BCKDHB: variants seen among roughly 807,000 people sequenced by gnomAD.
BCKDHB encodes branched chain keto acid dehydrogenase E1 subunit beta.
BCKDHB carries 41 observed loss-of-function variants against 48.5 expected under a neutral mutation model. The ratio of observed to expected loss-of-function variants is 0.85; its 90% CI spans 0.66 to 1.10. The LOEUF is 1.10. Ranked by LOEUF, BCKDHB falls within the 50% of genes least tolerant of loss-of-function variation. BCKDHB has a pLI of 0.00. For missense variants in BCKDHB, 496 were observed against 494.2 expected (o/e 1.00, Z -0.03); for synonymous variants, 201 against 174.8 (o/e 1.15, Z -1.18).
chr6:80,184,244 T>G (rs1219449984), intron 6 of BCKDHB, among the ~76,000 whole-genome samples: 1 of 152,198 alleles, frequency 6.6e-6, no homozygotes, highest in Non-Finnish European at 1.5e-5. Flanking sequence ...AAAGTCTGTT[T>G]TGTCTGAGAA....
intron 8 of BCKDHB, among the ~76,000 whole-genome samples, chr6:80,265,351 A>G (rs2127955147): frequency 6.6e-6 from 1 of 152,254 alleles, no homozygotes; most frequent in South Asian, 2.1e-4. Context: ...ATATATACAT[A>G]CAGTGGGATA....
intron 6 of BCKDHB, among the ~76,000 whole-genome samples, chr6:80,191,402 C>T (rs1299087991): frequency 6.6e-6 from 1 of 152,082 alleles, no homozygotes. Context: ...TGTTGCTCCT[C>T]ATGGGTAATA....
At chr6:80,216,582 G>T (rs1256733560) in intron 8 of BCKDHB, among the ~76,000 whole-genome samples, 3 of 152,070 alleles carry the variant, frequency 2.0e-5, no homozygotes, top group Non-Finnish European at 4.4e-5. Context: ...TTTGACTCAA[G>T]TTTTCATTTT....
chr6:80,299,076 T>C (rs200179332), intron 9 of BCKDHB, among the ~76,000 whole-genome samples: 2 of 1,244 alleles, frequency 1.6e-3, no homozygotes, highest in Non-Finnish European at 2.5e-3. Flanking sequence ...TGAAAGGGTC[T>C]TTCTAACTCC....
intron 1 of BCKDHB, among the ~76,000 whole-genome samples, chr6:80,109,119 C>T (rs960441199): frequency 4.6e-5 from 7 of 152,228 alleles, no homozygotes; most frequent in Non-Finnish European, 8.8e-5. Context: ...TTCTTGACCC[C>T]GGAATCAGAT....
At chr6:80,111,843 T>C (rs191693113) in intron 1 of BCKDHB, among the ~76,000 whole-genome samples, 2 of 152,280 alleles carry the variant, frequency 1.3e-5, no homozygotes, top group East Asian at 3.9e-4. Flanking sequence ...TCTAAATTTT[T>C]CCTACTTAGT....
At chr6:80,230,759 A>G (rs1373242311) in intron 8 of BCKDHB, among the ~76,000 whole-genome samples, 1 of 152,182 alleles carries the variant, frequency 6.6e-6, no homozygotes, top group African/African-American at 2.4e-5. Flanking sequence ...TGATGAAGGA[A>G]AAGAGAGCAC....
At chr6:80,121,625 T>A (rs1382948067) in intron 1 of BCKDHB, among the ~76,000 whole-genome samples, 5 of 152,194 alleles carry the variant, frequency 3.3e-5, no homozygotes, top group Non-Finnish European at 5.9e-5. Context: ...TTTGTAGCAA[T>A]TGTGAATGGG....
chr6:80,281,135 G>C (rs1384734600), intron 9 of BCKDHB, among the ~76,000 whole-genome samples: 2 of 151,960 alleles, frequency 1.3e-5, no homozygotes, highest in Non-Finnish European at 2.9e-5. Context: ...CTAAGGTGTA[G>C]GAAATGGGTA....
intron 9 of BCKDHB, among the ~76,000 whole-genome samples, chr6:80,326,690 C>A (rs1272490094): frequency 1.3e-5 from 2 of 152,068 alleles, no homozygotes; most frequent in Non-Finnish European, 2.9e-5. Context: ...TAGTTCGAGA[C>A]CAGCCTGGGC....
intron 6 of BCKDHB, among the ~76,000 whole-genome samples, chr6:80,174,553 T>G (rs1286722006): frequency 1.3e-5 from 2 of 152,114 alleles, no homozygotes; most frequent in African/African-American, 4.8e-5. Context: ...TGAAAAAAAT[T>G]TGCGTATAAG....
chr6:80,293,976 G>A (rs928906454), intron 9 of BCKDHB, among the ~76,000 whole-genome samples: 1 of 152,102 alleles, frequency 6.6e-6, no homozygotes, highest in Non-Finnish European at 1.5e-5. Context: ...ATCACTATCC[G>A]CATTTTGGTC....
chr6:80,160,088 A>G (rs1772238570), intron 3 of BCKDHB, among the ~76,000 whole-genome samples: 1 of 152,258 alleles, frequency 6.6e-6, no homozygotes, highest in Admixed American at 6.5e-5. Flanking sequence ...AAAAATGTCT[A>G]GGGACAGAAG....
chr6:80,351,824 CTT>C, the BCKDHB span, among the ~76,000 whole-genome samples: 18 of 135,082 alleles, frequency 1.3e-4, no homozygotes, highest in Non-Finnish European at 1.6e-4. Flanking sequence ...TTCTTTCTTT[CTT>C]TTTTTTTTTT....
At chr6:80,108,947 C>T (rs1183416019) in intron 1 of BCKDHB, among the ~76,000 whole-genome samples, 2 of 152,158 alleles carry the variant, frequency 1.3e-5, no homozygotes, top group Non-Finnish European at 2.9e-5. Flanking sequence ...ACAGGTATTT[C>T]CTTTTAGTTT....
the BCKDHB span, among the ~76,000 whole-genome samples, chr6:80,382,911 T>C: frequency 3.3e-5 from 5 of 152,208 alleles, no homozygotes; most frequent in Non-Finnish European, 7.4e-5. Context: ...TATCTTTGCA[T>C]TTATGGTTAC....
At chr6:80,212,737 G>A (rs938167808) in intron 8 of BCKDHB, among the ~76,000 whole-genome samples, 24 of 152,166 alleles carry the variant, frequency 1.6e-4, no homozygotes, top group African/African-American at 5.8e-4. Flanking sequence ...TTATGTTCCT[G>A]TGCCACAGCT....
intron 8 of BCKDHB, among the ~76,000 whole-genome samples, chr6:80,216,619 C>G (rs530649787): frequency 6.6e-6 from 1 of 151,950 alleles, no homozygotes; most frequent in Admixed American, 6.6e-5. Flanking sequence ...TTCACTGTTA[C>G]GAATAGCAGT....
At chr6:80,285,830 C>G (rs2127979508) in intron 9 of BCKDHB, among the ~76,000 whole-genome samples, 1 of 152,086 alleles carries the variant, frequency 6.6e-6, no homozygotes, top group East Asian at 1.9e-4. Flanking sequence ...TTTTTTTCCT[C>G]CCTTGGGGTT....
Sources: gnomAD v4.1 joint callset for allele counts (sites outside exome capture counted in the v4.1 genomes callset) on GRCh38, gnomAD v4.1.1 for gene constraint, MANE v1.5 for transcripts, NCBI Gene and HGNC (gene_info 2026-07-23, HGNC 2026-07-21) for gene names.